The following ANAPC13 variants were observed in gnomAD, a reference collection of about 807,000 sequenced individuals.
The protein encoded by ANAPC13 is anaphase-promoting complex subunit 13.
ANAPC13 carries 9 observed loss-of-function variants against 9.6 expected under a neutral mutation model. The ratio of observed to expected loss-of-function variants is 0.94; its 90% CI spans 0.57 to 1.64. The LOEUF (loss-of-function observed/expected upper bound fraction) is 1.64. Ranked by LOEUF, ANAPC13 falls within the 40% of genes most tolerant of loss-of-function variation. ANAPC13 has a pLI of 0.00. For missense variants in ANAPC13, 75 were observed against 85.3 expected, an observed-to-expected ratio of 0.88 and a Z score of 0.48; for synonymous variants, 30 against 29.7, an observed-to-expected ratio of 1.01 and a Z score of -0.03.
rs114533137 is a variant in ANAPC13 at position 134,478,589 on chromosome 3, G to A, written c.*1C>T. ...TCCATCCACAAGAAAGGAGCCAAGC[G>A]TCAGTTTCCAATGGGGGGAACATTC... On this transcript the variant is annotated 3_prime_UTR_variant, in exon 3 of 3. Coordinates refer to ENST00000354910, the MANE Select transcript of ANAPC13 (RefSeq NM_015391.4). 1,579 of 1,612,108 alleles carry A rather than the reference G, an allele frequency of 9.8e-4. 10 individuals carry two copies. The African/African-American group carries it at 0.018, about 19-fold the overall frequency.
At chr3:134,482,262 G>T (rs1399829200) in intron 2 of ANAPC13, among the ~76,000 whole-genome samples, 1 of 152,166 alleles carries the variant, frequency 6.6e-6, no homozygotes, top group Non-Finnish European at 1.5e-5. Flanking sequence ...ATTACATGAG[G>T]TTTAACAAAC....
chr3:134,485,972 A>C lies in ANAPC13; in HGVS notation c.-48T>G. ...CTTACCGGCACCCGGCCACCGCGGC[A>C]GACGCTTGCTCCTGCCACGCCCCCC... On this transcript the variant is annotated 5_prime_UTR_variant, in exon 1 of 3. Transcript: ENST00000354910. 1.0e-6 allele frequency: 1 copy of C among 963,872 alleles called. No homozygotes were observed. The highest frequency in any genetic ancestry group is 1.2e-6 in the Non-Finnish European group (1 of 822,968). The allele number at this position is 963,872 out of a possible 1,614,324, so 59.7% of individuals were successfully genotyped here. A position where few individuals can be genotyped will look rare whatever the true frequency, so the allele number is the denominator to read the frequency against.
At chr3:134,482,004 A>G (rs576933567) in intron 2 of ANAPC13, among the ~76,000 whole-genome samples, 3 of 152,232 alleles carry the variant, frequency 2.0e-5, no homozygotes, top group Non-Finnish European at 4.4e-5. Flanking sequence ...TGATATGTAT[A>G]TTATTCATTG....
At chr3:134,479,359 T>C (rs1934685609) in intron 2 of ANAPC13, among the ~76,000 whole-genome samples, 1 of 151,924 alleles carries the variant, frequency 6.6e-6, no homozygotes, top group Non-Finnish European at 1.5e-5. Context: ...TTTTTTGAGA[T>C]GGAGTTTTGC....
intron 1 of ANAPC13, 120 bp from the exon 2 acceptor site, chr3:134,483,051 A>C: frequency 1.5e-6 from 1 of 678,860 alleles, no homozygotes. Context: ...TCATTTTCTC[A>C]TATGGGCCGG....
intron 2 of ANAPC13, 124 bp from the exon 3 acceptor site, chr3:134,478,839 TA>T: frequency 9.4e-7 from 1 of 1,069,112 alleles, no homozygotes; most frequent in Non-Finnish European, 1.4e-6. Context: ...ATGTGTATTC[TA>T]AAAAAGCTAA....
chr3:134,481,338 T>G (rs1414150416), intron 2 of ANAPC13, among the ~76,000 whole-genome samples: 1 of 152,232 alleles, frequency 6.6e-6, no homozygotes, highest in Non-Finnish European at 1.5e-5. Flanking sequence ...GTGACAAATG[T>G]ATTCTTCATC....
upstream of ANAPC13, chr3:134,486,016 G>A (rs954281761): frequency 2.3e-5 from 22 of 948,250 alleles, no homozygotes; most frequent in African/African-American, 4.0e-4. Context: ...CCCGCATCAC[G>A]TGTCTGCACT....
intron 2 of ANAPC13, among the ~76,000 whole-genome samples, chr3:134,480,817 T>C (rs138662300): frequency 6.6e-6 from 1 of 152,340 alleles, no homozygotes; most frequent in East Asian, 1.9e-4. Context: ...TAGAAGTCCC[T>C]CCCAGCTGAG....
At position 134,478,121 on chromosome 3, in the gene ANAPC13, T is replaced by C. The variant is rs1345168221; in HGVS notation, c.*469A>G. On this transcript the variant is annotated 3_prime_UTR_variant, in exon 3 of 3. Coordinates refer to ENST00000354910, the MANE Select transcript of ANAPC13 (RefSeq NM_015391.4). ...CTTAGGAATGCCAGTAACCAGGGAA[T>C]GGGATATTTGCATATCACAACATCT... 6.6e-6 allele frequency: 1 copy of C among 152,520 alleles called. No homozygotes were observed. Among genetic ancestry groups the C allele is most frequent in the Non-Finnish European group, 1.5e-5 (1 of 68,270 alleles). The allele number at this position is 152,520 out of a possible 1,614,324, so 9.4% of individuals were successfully genotyped here.
chr3:134,485,587 C>G (rs1044271887), intron 1 of ANAPC13: 1 of 152,252 alleles, frequency 6.6e-6, no homozygotes, highest in African/African-American at 2.4e-5. Context: ...GACAGGGACA[C>G]GTCTTATCAA....
rs1389848413 is a variant in ANAPC13, at chr3:134,478,548, G to A, written c.*42C>T. On this transcript the variant is annotated 3_prime_UTR_variant, in exon 3 of 3. Transcript: ENST00000354910. ...GACTGAAACAAACCATGCTTTATCT[G>A]TGTACTTTGAGAAAATCCATCCACA... 1 of 1,602,602 alleles carries A rather than the reference G, an allele frequency of 6.2e-7. No individual in the cohort carries two copies. Among genetic ancestry groups the A allele is most frequent in the South Asian group, 1.1e-5 (1 of 89,548 alleles).
chr3:134,485,034 C>T (rs1358046930), intron 1 of ANAPC13, among the ~76,000 whole-genome samples: 2 of 152,208 alleles, frequency 1.3e-5, no homozygotes, highest in African/African-American at 4.8e-5. Flanking sequence ...CAAACACCTC[C>T]AACCCTGTCA....
chr3:134,481,431 G>A (rs956132973), intron 2 of ANAPC13, among the ~76,000 whole-genome samples: 1 of 152,078 alleles, frequency 6.6e-6, no homozygotes, highest in African/African-American at 2.4e-5. Context: ...CAATACCCTT[G>A]TCTACCTCCA....
At chr3:134,479,528 T>TA (rs1180923507) in intron 2 of ANAPC13, among the ~76,000 whole-genome samples, 2 of 152,062 alleles carry the variant, frequency 1.3e-5, no homozygotes, top group Non-Finnish European at 2.9e-5. Flanking sequence ...TATTTTTTTT[T>TA]AGTAGAGATG....
intron 1 of ANAPC13, among the ~76,000 whole-genome samples, chr3:134,484,476 A>T (rs1934903659): frequency 6.6e-6 from 1 of 152,194 alleles, no homozygotes; most frequent in South Asian, 2.1e-4. Flanking sequence ...GGCAAAAATT[A>T]TACACAGATT....
In ANAPC13 at chr3:134,485,958, C is replaced by T. The variant is rs1935122432; in HGVS notation, c.-34G>A. On this transcript the variant is annotated 5_prime_UTR_variant, in exon 1 of 3. Coordinates refer to ENST00000354910, the MANE Select transcript of ANAPC13 (RefSeq NM_015391.4). ...GGGCGCTGGAAACCCTTACCGGCAC[C>T]CGGCCACCGCGGCAGACGCTTGCTC... 2 of 981,798 alleles carry T rather than the reference C, an allele frequency of 2.0e-6. No individual in the cohort carries two copies. Among genetic ancestry groups the T allele is most frequent in the Non-Finnish European group, 2.4e-6 (2 of 828,820 alleles). The allele number at this position is 981,798 out of a possible 1,614,324, so 60.8% of individuals were successfully genotyped here.
chr3:134,481,103 C>T (rs957195129), intron 2 of ANAPC13, among the ~76,000 whole-genome samples: 7 of 152,204 alleles, frequency 4.6e-5, no homozygotes, highest in African/African-American at 1.7e-4. Flanking sequence ...GCCCTCCTCC[C>T]TTGCCTAGAC....
chr3:134,483,757 CA>C (rs911068455), intron 1 of ANAPC13, among the ~76,000 whole-genome samples: 2 of 152,118 alleles, frequency 1.3e-5, no homozygotes, highest in African/African-American at 4.8e-5. Flanking sequence ...AGTGACAATC[CA>C]AAAAGCCCGG....
Sources: gnomAD v4.1 joint callset for allele counts (sites outside exome capture counted in the v4.1 genomes callset) on GRCh38, gnomAD v4.1.1 for gene constraint, MANE v1.5 for transcripts, NCBI Gene and HGNC (gene_info 2026-07-23, HGNC 2026-07-21) for gene names.